Variants in MAP2K5 observed in about 807,000 individuals in gnomAD.
MAP2K5 encodes dual specificity mitogen-activated protein kinase kinase 5.
In MAP2K5, 49 loss-of-function variants were observed where a neutral mutation model predicts 83.1. That is an observed-to-expected ratio of 0.59 (90% CI 0.47 to 0.75). The LOEUF (loss-of-function observed/expected upper bound fraction) is 0.75, where lower values mean the gene tolerates loss of function less well. Among genes scored for constraint, MAP2K5 ranks in the 30% least tolerant of loss-of-function variants. The pLI, the probability that MAP2K5 is intolerant of heterozygous loss-of-function variation, is 0.00. For synonymous variants in MAP2K5, 202 were observed against 191.8 expected, an observed-to-expected ratio of 1.05 and a Z score of -0.44; for missense variants, 457 against 557.5, an observed-to-expected ratio of 0.82 and a Z score of 1.82.
chr15:67,615,403 T>C (rs77108230), intron 8 of MAP2K5, among the ~76,000 whole-genome samples: 2 of 152,356 alleles, frequency 1.3e-5, no homozygotes, highest in East Asian at 3.9e-4. Flanking sequence ...TAGTATAGTT[T>C]ACATAAAAGC....
chr15:67,568,931 G>A (rs1036132319), intron 3 of MAP2K5, among the ~76,000 whole-genome samples: 9 of 149,164 alleles, frequency 6.0e-5, no homozygotes, highest in African/African-American at 2.0e-4. Flanking sequence ...GCTTGAACCC[G>A]GGAGGCAGAG....
At chr15:67,804,759 C>G (rs537747276) in intron 21 of MAP2K5, among the ~76,000 whole-genome samples, 4 of 152,344 alleles carry the variant, frequency 2.6e-5, no homozygotes, top group Admixed American at 1.3e-4. Context: ...CAGCTTCTCC[C>G]TTTGTTCTTT....
At chr15:67,588,437 G>A (rs1052478056) in intron 6 of MAP2K5, among the ~76,000 whole-genome samples, 22 of 152,288 alleles carry the variant, frequency 1.4e-4, no homozygotes, top group African/African-American at 5.3e-4. Context: ...GAATTCCTAT[G>A]ATACTCCCTT....
At chr15:67,695,360 T>A (rs2088225725) in intron 15 of MAP2K5, among the ~76,000 whole-genome samples, 1 of 152,242 alleles carries the variant, frequency 6.6e-6, no homozygotes, top group Non-Finnish European at 1.5e-5. Context: ...ACATTTTGTT[T>A]TCATTCAGAT....
At chr15:67,686,320 T>C (rs2087951494) in intron 13 of MAP2K5, among the ~76,000 whole-genome samples, 1 of 151,948 alleles carries the variant, frequency 6.6e-6, no homozygotes. Flanking sequence ...GAAAAATAAT[T>C]ACATGGCCAG....
rs2088856351 is a variant in MAP2K5 at position 67,717,529 on chromosome 15, A to G, written c.1045-10387A>G. On this transcript the variant is annotated intron_variant, in intron 16 of 21. Transcript: ENST00000178640. The surrounding 1 kb of genome is among the most constrained non-coding windows in gnomAD (Gnocchi z 4.1). Reference sequence around the variant, plus strand: ...GAGAGTGTGGGCTGACATGAGTGTCAGAGAAAGCATTTCAGTTATTGATTA... The same window carrying G: ...GAGAGTGTGGGCTGACATGAGTGTCGGAGAAAGCATTTCAGTTATTGATTA... Among the ~76,000 whole-genome samples the G allele has an allele frequency of 6.6e-6, 1 of 152,230 alleles. No homozygotes were observed. Among genetic ancestry groups the G allele is most frequent in the Non-Finnish European group, 1.5e-5 (1 of 68,028 alleles).
At chr15:67,627,832 C>G (rs866795113) in intron 8 of MAP2K5, 1 of 473,122 alleles carries the variant, frequency 2.1e-6, no homozygotes, top group African/African-American at 2.0e-5. Context: ...TCATTAAAGT[C>G]TCTGTTCTCC....
intron 21 of MAP2K5, among the ~76,000 whole-genome samples, chr15:67,805,166 T>C (rs1408532384): frequency 6.6e-6 from 1 of 152,220 alleles, no homozygotes. Context: ...AAGCCGAGTT[T>C]CCTCCTCCTC....
At chr15:67,716,729 A>G (rs1366827807) in intron 16 of MAP2K5, among the ~76,000 whole-genome samples, 1 of 152,170 alleles carries the variant, frequency 6.6e-6, no homozygotes, top group Admixed American at 6.5e-5. Context: ...TTCTGATGTG[A>G]AATGTAGTGC....
chr15:67,602,333 C>T (rs1170538555), intron 8 of MAP2K5, among the ~76,000 whole-genome samples: 3 of 152,174 alleles, frequency 2.0e-5, no homozygotes, highest in Non-Finnish European at 4.4e-5. Flanking sequence ...CTTTTCAAAG[C>T]TTGAACCTTT....
chr15:67,578,381 C>T (rs2085108646), intron 3 of MAP2K5, among the ~76,000 whole-genome samples: 1 of 152,168 alleles, frequency 6.6e-6, no homozygotes, highest in Non-Finnish European at 1.5e-5. Flanking sequence ...GTGGCTGTTC[C>T]TCAGGGGCCA....
intron 19 of MAP2K5, among the ~76,000 whole-genome samples, chr15:67,756,120 CA>C (rs1044951125): frequency 4.6e-5 from 7 of 152,214 alleles, no homozygotes; most frequent in Admixed American, 4.6e-4. Context: ...TCTATTGGCC[CA>C]GAACCCTGGC....
At chr15:67,564,762 A>G (rs1030973936) in intron 3 of MAP2K5, among the ~76,000 whole-genome samples, 5 of 152,198 alleles carry the variant, frequency 3.3e-5, no homozygotes, top group African/African-American at 1.2e-4. Flanking sequence ...TGACATGCTT[A>G]TTTTTAGAAA....
chr15:67,700,754 T>C (rs2141212512), intron 15 of MAP2K5, among the ~76,000 whole-genome samples: 1 of 152,194 alleles, frequency 6.6e-6, no homozygotes, highest in Non-Finnish European at 1.5e-5. Context: ...AGCTTGCTGT[T>C]GGCTTTTGCT....
rs562292032 is a variant in MAP2K5 at position 67,769,860 on chromosome 15, G to T, written c.1196+197G>T. ...ACGTTATTTACACAAAGGGTCATAA[G>T]CATACTTCAGAGCCTTTTTCCTGAT... On this transcript the variant is annotated intron_variant, in intron 20 of 21. Transcript: ENST00000178640. The surrounding 1 kb of genome is among the most constrained non-coding windows in gnomAD (Gnocchi z 5.2). The T allele has an allele frequency of 3.8e-5, 20 of 521,422 alleles. No individual in the cohort carries two copies. In the East Asian group the frequency reaches 6.3e-4, roughly 17 times the overall value. The allele number at this position is 521,422 out of a possible 1,614,324, so 32.3% of individuals were successfully genotyped here.
At chr15:67,546,515 C>T (rs1474447337) in intron 1 of MAP2K5, 1 of 896,234 alleles carries the variant, frequency 1.1e-6, no homozygotes, top group African/African-American at 1.8e-5. Context: ...CAGTCGGTCT[C>T]TCTGGGCCTT....
intron 13 of MAP2K5, among the ~76,000 whole-genome samples, chr15:67,675,288 G>A (rs1159126310): frequency 7.9e-5 from 12 of 152,172 alleles, no homozygotes; most frequent in Admixed American, 3.9e-4. Context: ...AACTGTTGAT[G>A]CCCACAACCT....
At chr15:67,545,220 G>A (rs2084367583) in intron 1 of MAP2K5, among the ~76,000 whole-genome samples, 1 of 152,178 alleles carries the variant, frequency 6.6e-6, no homozygotes, top group Admixed American at 6.5e-5. Flanking sequence ...TCACAGCTTT[G>A]TGTGGGTCCC....
chr15:67,542,789 A>G lies in MAP2K5; in HGVS notation c.-547A>G, dbSNP rs1008991889. The G allele has an allele frequency of 1.9e-5, 3 of 153,966 alleles. No individual in the cohort carries two copies. Among genetic ancestry groups the G allele is most frequent in the South Asian group, 3.6e-4 (2 of 5,530 alleles). 9.5% of individuals were successfully genotyped at this position (153,966 alleles called of 1,614,324 possible). On this transcript the variant is annotated 5_prime_UTR_variant, in exon 1 of 22. Transcript: ENST00000178640. ...GCGCGGCCTCGGGTGGCCGGAGCTCAGCCTGCGCGCGCCGCGCCCTGTGTC... is the reference window on the plus strand; with the variant it reads ...GCGCGGCCTCGGGTGGCCGGAGCTCGGCCTGCGCGCGCCGCGCCCTGTGTC...
Sources: gnomAD v4.1 joint callset for allele counts (sites outside exome capture counted in the v4.1 genomes callset) on GRCh38, gnomAD v4.1.1 for gene constraint, Gnocchi (gnomAD v3.1) non-coding constraint, MANE v1.5 for transcripts, NCBI Gene and HGNC (gene_info 2026-07-23, HGNC 2026-07-21) for gene names.